Variants in CCDC39 observed in about 807,000 individuals in gnomAD.
CCDC39 encodes coiled-coil domain 39 molecular ruler complex subunit, also known as coiled-coil domain-containing protein 39.
In CCDC39, 113 loss-of-function variants were observed where a neutral mutation model predicts 121.0. The observed-to-expected ratio is 0.93, with a 90% CI of 0.80 to 1.09. CCDC39 has a LOEUF of 1.09. Among genes scored for constraint, CCDC39 ranks in the 50% least tolerant of loss-of-function variants. The pLI, the probability that CCDC39 is intolerant of heterozygous loss-of-function variation, is 0.00. For missense variants in CCDC39, 1,063 were observed against 1,074.7 expected (o/e 0.99, Z 0.15); for synonymous variants, 349 against 352.2 (o/e 0.99, Z 0.10).
chr3:180,663,167 C>T (rs1711783401), intron 2 of CCDC39, among the ~76,000 whole-genome samples: 1 of 152,050 alleles, frequency 6.6e-6, no homozygotes, highest in East Asian at 1.9e-4. Flanking sequence ...TTATGAATTT[C>T]AATTCTTGAA....
chr3:180,647,117 T>C lies in CCDC39; in HGVS notation c.1489A>G (p.Thr497Ala), dbSNP rs752156783. 27 of 1,609,128 alleles carry C rather than the reference T, an allele frequency of 1.7e-5. No individual in the cohort carries two copies. The highest frequency in any genetic ancestry group is 2.2e-5 in the Non-Finnish European group (26 of 1,178,460). ...ATCTGTGTTTCCAAAAGGCCACATG[T>C]AGATTTTTTCTCTTCCAAAGACTTC... ...LRKSLEEKKS[T>A]CGLLETQIKK... Residue 497 changes from threonine to alanine, a missense_variant, in exon 11 of 20, where the codon ACA (threonine) becomes GCA (alanine). Thr to Ala is a moderately conservative substitution (Grantham distance 58). Coordinates refer to ENST00000476379, the MANE Select transcript of CCDC39 (RefSeq NM_181426.2).
intron 4 of CCDC39, among the ~76,000 whole-genome samples, chr3:180,660,134 ATT>A (rs940515318): frequency 4.6e-5 from 7 of 152,124 alleles, no homozygotes; most frequent in Non-Finnish European, 8.8e-5. Flanking sequence ...ATATAAGTAG[ATT>A]TTAAGTGATT....
At chr3:180,630,157 T>G (rs1380310707) in intron 14 of CCDC39, among the ~76,000 whole-genome samples, 1 of 152,136 alleles carries the variant, frequency 6.6e-6, no homozygotes, top group African/African-American at 2.4e-5. Flanking sequence ...CCAGTACTTT[T>G]AGGTAACCCA....
chr3:180,648,209 G>A lies in CCDC39; in HGVS notation c.1318C>T (p.Leu440=). ...TGCTGCTTCAAGGTTTCAAAATCCA[G>A]TTTTTGTAACTGATGGTTGAGATGT... ...LKHLNHQLQK[L]DFETLKQQEI... Residue 440 remains leucine, a synonymous_variant, in exon 10 of 20, where the codon CTG becomes TTG. Transcript: ENST00000476379. 1 of 1,613,434 alleles carries A rather than the reference G, an allele frequency of 6.2e-7. No homozygotes were observed. The highest frequency in any genetic ancestry group is 8.5e-7 in the Non-Finnish European group (1 of 1,179,570).
In CCDC39 at chr3:180,615,069, C is replaced by G. The variant is rs1273290943; in HGVS notation, c.2678G>C (p.Arg893Thr). 4 of 1,529,608 alleles carry G rather than the reference C, an allele frequency of 2.6e-6. No homozygotes were observed. In the Admixed American group the frequency reaches 6.9e-5, roughly 26 times the overall value. The allele number at this position is 1,529,608 out of a possible 1,614,324, so 94.8% of individuals were successfully genotyped here. The part of the protein sequence containing the change: ...SHTSLSARSS[R>T]STSTSTSQSS... ...CTGAGAAGTAGATGTACTTGTACTC[C>G]TAGATGACCTAGAAGAAAAACCAGA... The change falls in exon 20 of 20, where the codon AGG becomes ACG. Residue 893 changes from arginine to threonine, a missense_variant. Transcript: ENST00000476379.
At chr3:180,667,781 T>A (rs73885314) in intron 1 of CCDC39, among the ~76,000 whole-genome samples, 5,884 of 152,208 alleles carry the variant, frequency 0.039, 393 homozygotes, top group African/African-American at 0.14. Context: ...AAGTTGACAT[T>A]GGCCAAAAAC....
rs78394726 is a variant in CCDC39, at chr3:180,641,917, G to T, written c.1874+76C>A. The T allele has an allele frequency of 1.2e-3, 1,240 of 1,042,138 alleles. 10 individuals are homozygous for T. In the African/African-American group the frequency reaches 0.017, roughly 15 times the overall value. 64.6% of individuals were successfully genotyped at this position (1,042,138 alleles called of 1,614,324 possible). ...AGTAAAAACGATGCACATCCGGGAT[G>T]TTAGAGGGGGCAGCTAGTTCTCCTG... is the stretch of plus-strand genomic sequence containing the variant. On this transcript the variant is annotated intron_variant, in intron 13 of 19. Transcript: ENST00000476379.
intron 13 of CCDC39, among the ~76,000 whole-genome samples, chr3:180,636,936 G>A (rs533248247): frequency 1.8e-4 from 27 of 152,048 alleles, no homozygotes; most frequent in African/African-American, 6.5e-4. Context: ...AACTCAAGAT[G>A]GATTAAATAT....
chr3:180,616,502 AG>A lies in CCDC39; in HGVS notation c.2586+13del, dbSNP rs1717248164. 6.6e-7 allele frequency: 1 copy of A among 1,517,924 alleles called. No homozygotes were observed. The highest frequency in any genetic ancestry group is 1.3e-5 in the South Asian group (1 of 74,754). 94.0% of individuals were successfully genotyped at this position (1,517,924 alleles called of 1,614,324 possible). A position where few individuals can be genotyped will look rare whatever the true frequency, so the allele number is the denominator to read the frequency against. On this transcript the variant is annotated intron_variant, in intron 18 of 19. Transcript: ENST00000476379. ...AAGTTTTTAAGAAATATTTAATAGAAGGTGCTGTATTACCTGTTGAAAGTAT... is the reference window on the plus strand; with the variant it reads ...AAGTTTTTAAGAAATATTTAATAGAAGTGCTGTATTACCTGTTGAAAGTAT...
chr3:180,617,744 T>A, intron 16 of CCDC39: 1 of 364,008 alleles, frequency 2.7e-6, no homozygotes, highest in Middle Eastern at 7.3e-4. Context: ...TTTACAAAAT[T>A]AAAAATGTTT....
chr3:180,624,665 C>G (rs1228450261), intron 14 of CCDC39, among the ~76,000 whole-genome samples: 1 of 152,090 alleles, frequency 6.6e-6, no homozygotes, highest in East Asian at 1.9e-4. Context: ...TTGAGCATTT[C>G]TTAGAGGACC....
intron 13 of CCDC39, among the ~76,000 whole-genome samples, chr3:180,640,857 G>T (rs540608322): frequency 9.7e-4 from 147 of 151,924 alleles, no homozygotes; most frequent in Admixed American, 2.0e-3. Context: ...AAACAAAAAA[G>T]ATATAATTCC....
At chr3:180,636,414 C>G (rs770858962) in intron 13 of CCDC39, among the ~76,000 whole-genome samples, 1 of 151,700 alleles carries the variant, frequency 6.6e-6, no homozygotes, top group Non-Finnish European at 1.5e-5. Flanking sequence ...TGAAAGATCT[C>G]TACAATGAGA....
intron 7 of CCDC39, among the ~76,000 whole-genome samples, chr3:180,653,767 C>G (rs1190741425): frequency 6.6e-6 from 1 of 152,118 alleles, no homozygotes; most frequent in Admixed American, 6.6e-5. Context: ...TCCAGGATCC[C>G]TCGCAGATAC....
rs1309481509 is a variant in CCDC39 at position 180,677,199 on chromosome 3, T to TAC, written c.90+2091_90+2092insGT. Among the ~76,000 whole-genome samples the TAC allele has an allele frequency of 9.3e-3, 959 of 102,904 alleles. 46 individuals are homozygous for TAC. Among genetic ancestry groups the TAC allele is most frequent in the African/African-American group, 0.031 (799 of 25,446 alleles). 67.5% of individuals were successfully genotyped at this position (102,904 alleles called of 152,430 possible). ...ATATATATATATATATATATATATA[T>TAC]ATATATATATATATATAAAATCACA... is the stretch of plus-strand genomic sequence containing the variant. On this transcript the variant is annotated intron_variant, in intron 1 of 19. Coordinates refer to ENST00000476379, the MANE Select transcript of CCDC39 (RefSeq NM_181426.2).
Position 180,660,731 on chromosome 3 carries a change from A to G in CCDC39, c.358-3T>C. ...TGAGTGGCTTTAAATATGCCATTCT[A>G]ATTTCCAAAGAGAGAGAGAAAAGGG... On this transcript the variant is annotated splice_polypyrimidine_tract_variant and splice_region_variant and intron_variant, in intron 3 of 19. Coordinates refer to ENST00000476379, the MANE Select transcript of CCDC39 (RefSeq NM_181426.2). The G allele has an allele frequency of 6.3e-7, 1 of 1,596,188 alleles. No homozygotes were observed. Among genetic ancestry groups the G allele is most frequent in the Non-Finnish European group, 8.5e-7 (1 of 1,170,012 alleles).
chr3:180,619,578 A>G (rs1717366838), intron 15 of CCDC39, among the ~76,000 whole-genome samples: 1 of 151,792 alleles, frequency 6.6e-6, no homozygotes, highest in African/African-American at 2.4e-5. Flanking sequence ...TCTTTGAATT[A>G]ATTACCCTAG....
intron 4 of CCDC39, among the ~76,000 whole-genome samples, chr3:180,660,363 A>G (rs1477381234): frequency 6.6e-6 from 1 of 152,138 alleles, no homozygotes; most frequent in Non-Finnish European, 1.5e-5. Context: ...AGAATCTATG[A>G]AACAGTCAGC....
At chr3:180,621,121 A>T (rs183023030) in intron 14 of CCDC39, among the ~76,000 whole-genome samples, 6 of 152,182 alleles carry the variant, frequency 3.9e-5, no homozygotes, top group Admixed American at 3.3e-4. Flanking sequence ...TCTGGATAGT[A>T]TTTCATTGTG....
Sources: allele counts gnomAD v4.1 joint callset (sites outside exome capture counted in the v4.1 genomes callset), GRCh38; gene constraint gnomAD v4.1.1; transcripts MANE v1.5; gene names NCBI Gene and HGNC (gene_info 2026-07-23, HGNC 2026-07-21).